The following GRIA2 variants were observed in gnomAD, a reference collection of about 807,000 sequenced individuals.
GRIA2 encodes the protein glutamate ionotropic receptor AMPA type subunit 2.
GRIA2 carries 14 observed loss-of-function variants against 97.3 expected under a neutral mutation model. That is an observed-to-expected ratio of 0.14 (90% confidence interval 0.10 to 0.23). The LOEUF (loss-of-function observed/expected upper bound fraction) is 0.23, where lower values mean the gene tolerates loss of function less well. Ranked by LOEUF, GRIA2 falls within the 10% of genes least tolerant of loss-of-function variation. The pLI, the probability that GRIA2 is intolerant of heterozygous loss-of-function variation, is 1.00. For missense variants in GRIA2, 558 were observed against 1,069.8 expected, an observed-to-expected ratio of 0.52 and a Z score of 6.67; for synonymous variants, 412 against 387.8, an observed-to-expected ratio of 1.06 and a Z score of -0.73.
chr4:157,220,743 C>A lies in GRIA2; in HGVS notation c.-300C>A. On this transcript the variant is annotated 5_prime_UTR_variant, in exon 1 of 16. Coordinates refer to ENST00000264426, the MANE Select transcript of GRIA2 (RefSeq NM_001083619.3). ...GAGAGAGGGTGAGTGTGTGTGAGTG[C>A]ATGGGAGGGTGCTGAATATTCCGAG... 2.2e-6 allele frequency: 1 copy of A among 460,806 alleles called. No individual in the cohort carries two copies. Among genetic ancestry groups the A allele is most frequent in the Non-Finnish European group, 4.0e-6 (1 of 252,294 alleles). 28.5% of individuals were successfully genotyped at this position (460,806 alleles called of 1,614,324 possible).
At chr4:157,344,543 T>C (rs10016406) in intron 12 of GRIA2, among the ~76,000 whole-genome samples, 149,017 of 152,180 alleles carry the variant, frequency 0.98, 73,031 homozygotes, top group Middle Eastern at 1. Flanking sequence ...AGCCAAGACC[T>C]AGTAAAATAG....
chr4:157,250,518 T>A (rs1378907228), intron 2 of GRIA2, among the ~76,000 whole-genome samples: 6 of 152,122 alleles, frequency 3.9e-5, no homozygotes, highest in African/African-American at 1.2e-4. Context: ...ATATCCAGAG[T>A]TTCTTTTCAT....
At chr4:157,312,463 G>T (rs183740960) in intron 3 of GRIA2, among the ~76,000 whole-genome samples, 10 of 152,192 alleles carry the variant, frequency 6.6e-5, no homozygotes, top group African/African-American at 2.4e-4. Flanking sequence ...GACTCCTTTG[G>T]TCAGAATAGT....
chr4:157,255,162 T>C (rs991326008), intron 2 of GRIA2, among the ~76,000 whole-genome samples: 2 of 151,952 alleles, frequency 1.3e-5, no homozygotes, highest in Non-Finnish European at 2.9e-5. Context: ...TAAGGTCATG[T>C]AGTATTTGAC....
At chr4:157,355,765 ATATATATT>A (rs1212180149) in intron 12 of GRIA2, among the ~76,000 whole-genome samples, 3 of 32,172 alleles carry the variant, frequency 9.3e-5, no homozygotes, top group Admixed American at 6.9e-4. Context: ...TATATTAGTT[ATATATATT>A]TATATATTTA....
intron 2 of GRIA2, among the ~76,000 whole-genome samples, chr4:157,225,233 C>T (rs2126677830): frequency 6.6e-6 from 1 of 152,130 alleles, no homozygotes; most frequent in East Asian, 1.9e-4. Context: ...TTCACAATCA[C>T]AGTGGGATAA....
chr4:157,252,636 T>C (rs1045125375), intron 2 of GRIA2, among the ~76,000 whole-genome samples: 1 of 152,156 alleles, frequency 6.6e-6, no homozygotes, highest in Non-Finnish European at 1.5e-5. Flanking sequence ...TGTGAACTAA[T>C]ATTTTCTAAA....
chr4:157,247,747 A>G (rs2126731504), intron 2 of GRIA2, among the ~76,000 whole-genome samples: 1 of 152,166 alleles, frequency 6.6e-6, no homozygotes, highest in East Asian at 1.9e-4. Context: ...CTCTGACTTA[A>G]AGGGAATTCC....
intron 11 of GRIA2, among the ~76,000 whole-genome samples, chr4:157,337,185 T>C (rs1252202386): frequency 6.6e-6 from 1 of 152,064 alleles, no homozygotes; most frequent in Non-Finnish European, 1.5e-5. Flanking sequence ...TATTTTCCCA[T>C]CATTAGTTCA....
chr4:157,356,952 GCAA>G (rs1195677133), intron 12 of GRIA2, among the ~76,000 whole-genome samples: 1 of 152,014 alleles, frequency 6.6e-6, no homozygotes, highest in Admixed American at 6.6e-5. Flanking sequence ...GGCAAAAACA[GCAA>G]TTACTTCTGC....
At chr4:157,357,540 A>C (rs1284193551) in intron 12 of GRIA2, among the ~76,000 whole-genome samples, 1 of 152,100 alleles carries the variant, frequency 6.6e-6, no homozygotes, top group African/African-American at 2.4e-5. Context: ...TTAAAGTCTC[A>C]GATACTTTAT....
intron 2 of GRIA2, among the ~76,000 whole-genome samples, chr4:157,272,239 C>T (rs1193824879): frequency 6.6e-6 from 1 of 152,032 alleles, no homozygotes; most frequent in African/African-American, 2.4e-5. Context: ...TTCTCGTTTC[C>T]AGACTGGTCT....
intron 1 of GRIA2, 36 bp downstream of exon 1, chr4:157,221,166 A>G (rs1729475344): frequency 2.0e-6 from 2 of 1,025,444 alleles, no homozygotes; most frequent in South Asian, 2.5e-5. Context: ...TGAATTGTGC[A>G]TAATTTGGTG....
At chr4:157,356,089 A>T (rs1265322633) in intron 12 of GRIA2, among the ~76,000 whole-genome samples, 1 of 123,870 alleles carries the variant, frequency 8.1e-6, no homozygotes, top group Non-Finnish European at 1.6e-5. Flanking sequence ...TTATTTATAT[A>T]TATTTATATA....
At chr4:157,298,800 A>G (rs1311407800) in intron 2 of GRIA2, among the ~76,000 whole-genome samples, 3 of 151,952 alleles carry the variant, frequency 2.0e-5, no homozygotes, top group African/African-American at 4.8e-5. Context: ...TATGCTTGTC[A>G]CATAGAATAT....
chr4:157,284,165 A>T (rs1032772099), intron 2 of GRIA2, among the ~76,000 whole-genome samples: 2 of 151,874 alleles, frequency 1.3e-5, no homozygotes, highest in African/African-American at 4.8e-5. Context: ...TCTGAAGCCC[A>T]AGTTTGAAAT....
rs999264337 is a variant in GRIA2, at chr4:157,359,777, G to A, written c.2044-119G>A. The A allele has an allele frequency of 4.9e-6, 4 of 823,226 alleles. No individual in the cohort carries two copies. In the African/African-American group the frequency reaches 5.2e-5, roughly 11 times the overall value. 51.0% of individuals were successfully genotyped at this position (823,226 alleles called of 1,614,324 possible). On this transcript the variant is annotated intron_variant, in intron 12 of 15. Transcript: ENST00000264426. ...AGTGAAAAAAATTGTTGAAAGATGA[G>A]ATTTGTTCATATTGTGTATATCATC...
intron 2 of GRIA2, among the ~76,000 whole-genome samples, chr4:157,259,467 C>G (rs1731428765): frequency 6.6e-6 from 1 of 152,102 alleles, no homozygotes; most frequent in South Asian, 2.1e-4. Context: ...GCAATTCAAG[C>G]TCCCTTACTG....
At chr4:157,220,722 G>A (rs1357831143), upstream of GRIA2, 11 of 381,872 alleles carry the variant, frequency 2.9e-5, no homozygotes, top group Non-Finnish European at 5.3e-5. Flanking sequence ...GAGCGCGAGA[G>A]AGGGTGAGTG....
Sources: allele counts gnomAD v4.1 joint callset (sites outside exome capture counted in the v4.1 genomes callset), GRCh38; gene constraint gnomAD v4.1.1; transcripts MANE v1.5; gene names NCBI Gene and HGNC (gene_info 2026-07-23, HGNC 2026-07-21).